Variants in TENM3 observed in about 807,000 individuals in gnomAD.
TENM3 encodes the protein teneurin-3.
A neutral mutation model predicts 255.1 loss-of-function variants in TENM3; 63 were observed. That is an observed-to-expected ratio of 0.25 (90% CI 0.20 to 0.30). The LOEUF is 0.30. Among genes scored for constraint, TENM3 ranks in the 10% least tolerant of loss-of-function variants. The pLI is 1.00. For missense variants in TENM3, 2,929 were observed against 3,461.1 expected (o/e 0.85, Z 3.86); for synonymous variants, 1,306 against 1,322.3 (o/e 0.99, Z 0.27).
chr4:182,243,224 C>T (rs1757396649), upstream of TENM3, among the ~76,000 whole-genome samples: 1 of 152,182 alleles, frequency 6.6e-6, no homozygotes, highest in African/African-American at 2.4e-5. Context: ...AAGCAATTCC[C>T]CTGCCTCAGC....
intron 2 of TENM3, among the ~76,000 whole-genome samples, chr4:182,340,962 T>C (rs547416373): frequency 1.3e-5 from 2 of 152,338 alleles, no homozygotes; most frequent in South Asian, 4.1e-4. Context: ...ATATTCAATT[T>C]TGGGGTTACT....
chr4:181,564,466 C>A, the TENM3 span, among the ~76,000 whole-genome samples: 1 of 152,172 alleles, frequency 6.6e-6, no homozygotes, highest in South Asian at 2.1e-4. Flanking sequence ...CAGGTGCATC[C>A]AACTCAGGAC....
intron 24 of TENM3, among the ~76,000 whole-genome samples, chr4:182,779,718 C>T (rs1765010330): frequency 6.6e-6 from 1 of 152,060 alleles, no homozygotes; most frequent in African/African-American, 2.4e-5. Context: ...TCTCCAGCAC[C>T]TGTTGTTTCC....
the TENM3 span, among the ~76,000 whole-genome samples, chr4:181,553,335 T>TATATATAC: frequency 6.4e-5 from 9 of 141,012 alleles, no homozygotes; most frequent in South Asian, 4.4e-4. Context: ...TATATATATA[T>TATATATAC]ACACACACAC....
intron 3 of TENM3, among the ~76,000 whole-genome samples, chr4:182,516,371 T>C (rs1387364410): frequency 6.6e-6 from 1 of 152,250 alleles, no homozygotes. Context: ...GTGGTTGTCA[T>C]GGTTATATCT....
the TENM3 span, among the ~76,000 whole-genome samples, chr4:182,117,792 G>T: frequency 3.3e-5 from 5 of 151,994 alleles, no homozygotes; most frequent in Admixed American, 6.6e-5. Context: ...TATAAACTTT[G>T]GAATCAGTTT....
the TENM3 span, among the ~76,000 whole-genome samples, chr4:181,466,645 A>G: frequency 1.3e-5 from 2 of 152,160 alleles, no homozygotes; most frequent in Admixed American, 1.3e-4. Context: ...CGAGCTCCAT[A>G]TTAGAAAAAC....
intron 1 of TENM3, among the ~76,000 whole-genome samples, chr4:182,175,890 A>G (rs1402811404): frequency 6.6e-6 from 1 of 152,046 alleles, no homozygotes; most frequent in African/African-American, 2.4e-5. Flanking sequence ...AGGCTTTTCG[A>G]TACAATTGGA....
chr4:182,216,558 A>T (rs1376219691), intron 1 of TENM3, among the ~76,000 whole-genome samples: 2 of 152,222 alleles, frequency 1.3e-5, no homozygotes, highest in African/African-American at 2.4e-5. Flanking sequence ...CACCAAGCCT[A>T]CCTGAATAGG....
At chr4:182,501,950 G>C (rs1354240650) in intron 3 of TENM3, among the ~76,000 whole-genome samples, 1 of 151,976 alleles carries the variant, frequency 6.6e-6, no homozygotes, top group African/African-American at 2.4e-5. Flanking sequence ...GAGTCCTTAA[G>C]TATCTAAAGT....
intron 1 of TENM3, among the ~76,000 whole-genome samples, chr4:182,260,509 A>T (rs1758710235): frequency 6.6e-6 from 1 of 152,250 alleles, no homozygotes; most frequent in Admixed American, 6.5e-5. Flanking sequence ...TAAATTTATT[A>T]CCTACTAAAT....
intron 3 of TENM3, among the ~76,000 whole-genome samples, chr4:182,387,080 C>T (rs1369686553): frequency 6.6e-6 from 1 of 152,174 alleles, no homozygotes; most frequent in East Asian, 1.9e-4. Context: ...CCAATCAGCA[C>T]CCTGTGTTTA....
At chr4:182,795,628 T>C (rs1290174645) in intron 26 of TENM3, among the ~76,000 whole-genome samples, 3 of 152,196 alleles carry the variant, frequency 2.0e-5, no homozygotes. Context: ...TGGCTCTCCA[T>C]CATTCTGACA....
At chr4:181,850,329 G>A in the TENM3 span, among the ~76,000 whole-genome samples, 14 of 151,750 alleles carry the variant, frequency 9.2e-5, no homozygotes, top group African/African-American at 2.9e-4. Flanking sequence ...AATTTTAATA[G>A]CATATAAGTC....
At chr4:182,351,497 C>T (rs1765178190) in intron 3 of TENM3, among the ~76,000 whole-genome samples, 1 of 152,150 alleles carries the variant, frequency 6.6e-6, no homozygotes, top group Non-Finnish European at 1.5e-5. Context: ...CAGTTGTCAA[C>T]TCTTGCATGC....
chr4:182,288,092 C>T (rs578077593), intron 1 of TENM3, among the ~76,000 whole-genome samples: 1 of 152,162 alleles, frequency 6.6e-6, no homozygotes, highest in East Asian at 1.9e-4. Flanking sequence ...CGTGCACCAC[C>T]ACACCGGCTA....
At chr4:182,592,511 G>T (rs534906786) in intron 3 of TENM3, among the ~76,000 whole-genome samples, 1 of 152,212 alleles carries the variant, frequency 6.6e-6, no homozygotes, top group Non-Finnish European at 1.5e-5. Flanking sequence ...ATCACCTGAG[G>T]TGAGGAGTTC....
the TENM3 span, among the ~76,000 whole-genome samples, chr4:181,722,264 C>G: frequency 6.6e-6 from 1 of 152,140 alleles, no homozygotes; most frequent in African/African-American, 2.4e-5. Flanking sequence ...TGTCAAAAGC[C>G]TAGACCAGTT....
the TENM3 span, among the ~76,000 whole-genome samples, chr4:181,497,555 T>G: frequency 6.6e-6 from 1 of 152,100 alleles, no homozygotes; most frequent in Non-Finnish European, 1.5e-5. Context: ...CTGAATAAAG[T>G]GATCATGAGG....
Sources: allele counts gnomAD v4.1 joint callset (sites outside exome capture counted in the v4.1 genomes callset), GRCh38; gene constraint gnomAD v4.1.1; transcripts MANE v1.5; gene names NCBI Gene and HGNC (gene_info 2026-07-23, HGNC 2026-07-21).